CTNNA2: variants seen among roughly 807,000 people sequenced by gnomAD.
CTNNA2 encodes catenin alpha 2.
CTNNA2 carries 42 observed loss-of-function variants against 101.0 expected under a neutral mutation model. The ratio of observed to expected loss-of-function variants is 0.42; its 90% confidence interval spans 0.32 to 0.54. The LOEUF is 0.54. CTNNA2 is among the 20% of genes least tolerant of loss of function. The pLI is 0.14. For synonymous variants in CTNNA2, 450 were observed against 456.4 expected (o/e 0.99, Z 0.18); for missense variants, 871 against 1,223.1 (o/e 0.71, Z 4.29).
chr2:80,100,031 G>A (rs970303754), intron 7 of CTNNA2, among the ~76,000 whole-genome samples: 1 of 152,108 alleles, frequency 6.6e-6, no homozygotes, highest in African/African-American at 2.4e-5. Flanking sequence ...CCAGATTCAA[G>A]CAATTCTCCT....
intron 7 of CTNNA2, among the ~76,000 whole-genome samples, chr2:80,361,198 A>G (rs942756278): frequency 2.6e-5 from 4 of 152,096 alleles, no homozygotes; most frequent in African/African-American, 9.7e-5. Flanking sequence ...TATTACTCAA[A>G]CTAGGTCAAA....
intron 4 of CTNNA2, among the ~76,000 whole-genome samples, chr2:79,395,608 G>A (rs1678221381): frequency 1.3e-5 from 2 of 152,060 alleles, no homozygotes; most frequent in Non-Finnish European, 2.9e-5. Context: ...TGTACCCCAG[G>A]AATAAGACTC....
intron 4 of CTNNA2, among the ~76,000 whole-genome samples, chr2:79,496,236 G>A (rs1671254636): frequency 6.6e-6 from 1 of 152,010 alleles, no homozygotes; most frequent in Non-Finnish European, 1.5e-5. Context: ...ATAAGCTTTA[G>A]AATTTTTTTC....
At chr2:79,686,217 A>G (rs924874568) in intron 2 of CTNNA2, among the ~76,000 whole-genome samples, 3 of 152,120 alleles carry the variant, frequency 2.0e-5, no homozygotes, top group Admixed American at 2.0e-4. Context: ...CTTTACTGAA[A>G]GCTAAGGAGA....
At chr2:80,406,777 A>G (rs965263830) in intron 8 of CTNNA2, among the ~76,000 whole-genome samples, 1 of 150,002 alleles carries the variant, frequency 6.7e-6, no homozygotes. Flanking sequence ...CAGTGAGCCA[A>G]GATTGGGCCA....
At chr2:79,629,465 C>A (rs1207034661) in intron 1 of CTNNA2, among the ~76,000 whole-genome samples, 1 of 152,122 alleles carries the variant, frequency 6.6e-6, no homozygotes, top group African/African-American at 2.4e-5. Flanking sequence ...AGCAGTTAAA[C>A]CTTTGCCATC....
chr2:79,808,955 A>G (rs770844611), intron 3 of CTNNA2, among the ~76,000 whole-genome samples: 1 of 151,996 alleles, frequency 6.6e-6, no homozygotes, highest in Non-Finnish European at 1.5e-5. Flanking sequence ...CCATCCCCCA[A>G]CAGACCCTGG....
chr2:79,239,803 C>G (rs573313004), intron 2 of CTNNA2, among the ~76,000 whole-genome samples: 6 of 152,156 alleles, frequency 3.9e-5, no homozygotes, highest in Admixed American at 2.6e-4. Flanking sequence ...ATCCATCTGA[C>G]AAAGGGCTAA....
chr2:80,179,007 G>A (rs1011208069), intron 7 of CTNNA2, among the ~76,000 whole-genome samples: 35 of 152,178 alleles, frequency 2.3e-4, no homozygotes, highest in Admixed American at 2.6e-4. Context: ...AGGGAAAAGC[G>A]ATCAAGATCT....
intron 3 of CTNNA2, among the ~76,000 whole-genome samples, chr2:79,758,959 A>C (rs79895370): frequency 6.6e-6 from 1 of 152,282 alleles, no homozygotes; most frequent in East Asian, 1.9e-4. Flanking sequence ...GTCTCAGATG[A>C]CCAGCTCTTT....
chr2:79,657,896 G>T (rs1681728319), intron 2 of CTNNA2, among the ~76,000 whole-genome samples: 1 of 151,606 alleles, frequency 6.6e-6, no homozygotes, highest in East Asian at 1.9e-4. Context: ...CTAAGACTAG[G>T]ATCAATCTTT....
intron 7 of CTNNA2, among the ~76,000 whole-genome samples, chr2:80,358,267 T>A (rs1452649371): frequency 6.6e-6 from 1 of 151,840 alleles, no homozygotes; most frequent in Non-Finnish European, 1.5e-5. Context: ...GCTTGAAGAG[T>A]GTCTGGCATG....
At chr2:79,281,358 G>A (rs1418615190) in intron 2 of CTNNA2, 1 of 152,162 alleles carries the variant, frequency 6.6e-6, no homozygotes, top group African/African-American at 2.4e-5. Context: ...TCCTCAGAGA[G>A]CACTGATTCC....
Position 80,606,404 on chromosome 2 carries a change from A to C in CTNNA2, c.2296-1780A>C, listed in dbSNP as rs914472499. Among the ~76,000 whole-genome samples, 10 of 123,986 alleles carry C rather than the reference A, an allele frequency of 8.1e-5. No homozygotes were observed. The East Asian group carries it at 1.5e-3, about 18-fold the overall frequency. The allele number at this position is 123,986 out of a possible 152,430, so 81.3% of individuals were successfully genotyped here. ...CACACACACACACACACACACACAC[A>C]CACACACACCCCCCAGGATACATTT... On this transcript the variant is annotated intron_variant, in intron 16 of 18. Transcript: ENST00000402739.
At chr2:79,671,952 T>C (rs1035452342) in intron 2 of CTNNA2, among the ~76,000 whole-genome samples, 8 of 152,234 alleles carry the variant, frequency 5.3e-5, no homozygotes, top group Non-Finnish European at 1.2e-4. Context: ...AGCATAAGGC[T>C]GGAAAGTTAA....
chr2:79,714,321 T>A (rs1222695469), intron 2 of CTNNA2, among the ~76,000 whole-genome samples: 8 of 146,056 alleles, frequency 5.5e-5, no homozygotes, highest in Non-Finnish European at 1.1e-4. Context: ...ACCACAACTT[T>A]AAAAAAAAAA....
At chr2:79,416,204 A>G (rs188527508) in intron 4 of CTNNA2, among the ~76,000 whole-genome samples, 1 of 149,172 alleles carries the variant, frequency 6.7e-6, no homozygotes, top group African/African-American at 2.5e-5. Context: ...TTTTCACATT[A>G]GGAGCAGGGA....
chr2:80,566,747 A>G (rs1020631381), intron 12 of CTNNA2, among the ~76,000 whole-genome samples: 5 of 152,198 alleles, frequency 3.3e-5, no homozygotes, highest in African/African-American at 1.2e-4. Flanking sequence ...AAGAGAACAG[A>G]TAAGAGTCAG....
intron 7 of CTNNA2, among the ~76,000 whole-genome samples, chr2:80,130,336 A>C (rs1411517262): frequency 6.6e-6 from 1 of 152,230 alleles, no homozygotes; most frequent in Non-Finnish European, 1.5e-5. Flanking sequence ...TGTTTCTCTA[A>C]ATTGGAGCAC....
Sources: gnomAD v4.1 joint callset for allele counts (sites outside exome capture counted in the v4.1 genomes callset) on GRCh38, gnomAD v4.1.1 for gene constraint, MANE v1.5 for transcripts, NCBI Gene and HGNC (gene_info 2026-07-23, HGNC 2026-07-21) for gene names.